The following MAGI1 variants were observed in gnomAD, a reference collection of about 807,000 sequenced individuals.
The protein encoded by MAGI1 is membrane associated guanylate kinase, WW and PDZ domain containing 1, also known as membrane-associated guanylate kinase, WW and PDZ domain-containing protein 1.
MAGI1 carries 58 observed loss-of-function variants against 139.9 expected under a neutral mutation model. The observed-to-expected ratio is 0.41, with a 90% CI of 0.34 to 0.52. MAGI1 has a LOEUF of 0.52. MAGI1 is among the 20% of genes least tolerant of loss of function. MAGI1 has a pLI of 0.12. For missense variants in MAGI1, 1,874 were observed against 1,901.6 expected (o/e 0.99, Z 0.27); for synonymous variants, 812 against 737.9 (o/e 1.10, Z -1.63).
At chr3:65,424,169 T>C (rs145583931) in intron 12 of MAGI1, among the ~76,000 whole-genome samples, 43 of 152,298 alleles carry the variant, frequency 2.8e-4, no homozygotes, top group African/African-American at 8.9e-4. Flanking sequence ...AGCTTGAACA[T>C]AGTAAGTACT....
rs568732533 is a variant in MAGI1 at position 65,924,458 on chromosome 3, A to G, written c.313+113538T>C. On this transcript the variant is annotated intron_variant, in intron 1 of 22. Coordinates refer to ENST00000402939, the MANE Select transcript of MAGI1 (RefSeq NM_001033057.2). ...ATTTCTAGCATCAAACCAAGCAAGA[A>G]TATCATTGGGAGGTGAATTTATATA... Among the ~76,000 whole-genome samples, 6 of 152,342 alleles carry G rather than the reference A, an allele frequency of 3.9e-5. No individual in the cohort carries two copies. In the South Asian group the frequency reaches 8.3e-4, roughly 21 times the overall value.
At chr3:65,672,678 CT>C (rs2086936488) in intron 1 of MAGI1, among the ~76,000 whole-genome samples, 1 of 152,132 alleles carries the variant, frequency 6.6e-6, no homozygotes, top group Admixed American at 6.5e-5. Context: ...TAGAATTCTG[CT>C]CAGAAATTGC....
chr3:65,631,715 T>G (rs781061621), intron 1 of MAGI1, among the ~76,000 whole-genome samples: 1 of 152,188 alleles, frequency 6.6e-6, no homozygotes, highest in African/African-American at 2.4e-5. Flanking sequence ...ATGAGTTTCA[T>G]GTTAATAGAC....
chr3:65,407,624 G>A (rs1034662496), intron 12 of MAGI1, among the ~76,000 whole-genome samples: 11 of 152,026 alleles, frequency 7.2e-5, no homozygotes, highest in African/African-American at 2.4e-4. Flanking sequence ...GGTAAAAACT[G>A]TGCATAGAAT....
chr3:65,502,059 G>A (rs888112170), intron 2 of MAGI1, among the ~76,000 whole-genome samples: 4 of 152,214 alleles, frequency 2.6e-5, no homozygotes, highest in African/African-American at 7.2e-5. Flanking sequence ...AGGGAAAGGA[G>A]GAGGACACTG....
At chr3:65,996,549 G>A (rs972660293) in intron 1 of MAGI1, among the ~76,000 whole-genome samples, 2 of 151,792 alleles carry the variant, frequency 1.3e-5, no homozygotes, top group South Asian at 2.1e-4. Context: ...AAGGGGGGGG[G>A]GGGGGAAGCG....
At chr3:65,485,342 T>C (rs531992236) in intron 3 of MAGI1, among the ~76,000 whole-genome samples, 10 of 152,328 alleles carry the variant, frequency 6.6e-5, no homozygotes, top group African/African-American at 2.4e-4. Flanking sequence ...AATTAGCAGT[T>C]TGTTCTTGCC....
intron 1 of MAGI1, among the ~76,000 whole-genome samples, chr3:65,941,008 C>G (rs1337797255): frequency 6.6e-6 from 1 of 152,012 alleles, no homozygotes; most frequent in African/African-American, 2.4e-5. Flanking sequence ...AAACAGTATT[C>G]AAGAAAAAAA....
intron 12 of MAGI1, among the ~76,000 whole-genome samples, chr3:65,427,453 G>T (rs1409716838): frequency 6.6e-6 from 1 of 152,168 alleles, no homozygotes; most frequent in African/African-American, 2.4e-5. Flanking sequence ...GGTCTCCTTA[G>T]AAGTGAATCT....
At chr3:65,886,940 C>T (rs1017092567) in intron 1 of MAGI1, among the ~76,000 whole-genome samples, 3 of 152,142 alleles carry the variant, frequency 2.0e-5, no homozygotes, top group Non-Finnish European at 2.9e-5. Flanking sequence ...AAAAACATTT[C>T]AGAATGGGTA....
chr3:65,788,122 T>A (rs531731046), intron 1 of MAGI1, among the ~76,000 whole-genome samples: 98 of 152,298 alleles, frequency 6.4e-4, no homozygotes, highest in African/African-American at 2.2e-3. Flanking sequence ...AACTCAACTG[T>A]GCCCAAGTAA....
Position 65,530,836 on chromosome 3 carries a change from T to TACAC in MAGI1, c.431-37206_431-37205insGTGT, listed in dbSNP as rs35006124. Among the ~76,000 whole-genome samples the TACAC allele has an allele frequency of 2.2e-3, 200 of 90,812 alleles. 14 individuals carry two copies. The highest frequency in any genetic ancestry group is 7.1e-3 in the South Asian group (21 of 2,972). 59.6% of individuals were successfully genotyped at this position (90,812 alleles called of 152,430 possible). A position where few individuals can be genotyped will look rare whatever the true frequency, so the allele number is the denominator to read the frequency against. On this transcript the variant is annotated intron_variant, in intron 2 of 22. Coordinates refer to ENST00000402939, the MANE Select transcript of MAGI1 (RefSeq NM_001033057.2). ...ATATATATACACGTATATATATATA[T>TACAC]ATACACACACACACACACATATATA...
At position 65,610,332 on chromosome 3, in the gene MAGI1, G is replaced by A. The variant is rs1039432190; in HGVS notation, c.430+11640C>T. Among the ~76,000 whole-genome samples the A allele has an allele frequency of 3.9e-5, 6 of 152,194 alleles. No homozygotes were observed. The East Asian group carries it at 5.8e-4, about 15-fold the overall frequency. Reference sequence around the variant, plus strand: ...TAGCCACAAACTTCTATCCACTGGGGAAAAAGCCATCTAGATTCCCAGAAT... The same window carrying A: ...TAGCCACAAACTTCTATCCACTGGGAAAAAAGCCATCTAGATTCCCAGAAT... On this transcript the variant is annotated intron_variant, in intron 2 of 22. Coordinates refer to ENST00000402939, the MANE Select transcript of MAGI1 (RefSeq NM_001033057.2).
rs1161462179 is a variant in MAGI1 at position 66,038,193 on chromosome 3, C to T, written c.116G>A (p.Gly39Glu). The part of the protein sequence containing the change: ...GVTVLGGAEH[G>E]EFPYVGAVAA... Reference sequence around the variant, plus strand: ...CACCGCTCCGACGTACGGAAACTCCCCGTGCTCCGCGCCTCCCAGCACCGT... The same window carrying T: ...CACCGCTCCGACGTACGGAAACTCCTCGTGCTCCGCGCCTCCCAGCACCGT... The change falls in exon 1 of 23, where the codon GGG becomes GAG. Residue 39 changes from glycine (G) to glutamate (E), a missense_variant. Coordinates refer to ENST00000402939, the MANE Select transcript of MAGI1 (RefSeq NM_001033057.2). 1.2e-6 allele frequency: 2 copies of T among 1,612,352 alleles called. No homozygotes were observed. Among genetic ancestry groups the T allele is most frequent in the Admixed American group, 1.7e-5 (1 of 59,994 alleles).
chr3:65,508,213 C>T (rs948998543), intron 2 of MAGI1, among the ~76,000 whole-genome samples: 4 of 152,108 alleles, frequency 2.6e-5, no homozygotes, highest in African/African-American at 9.7e-5. Context: ...ACCATCCTGG[C>T]TAACACGGTG....
rs527291417 is a variant in MAGI1, at chr3:65,387,659, C to G, written c.2416+3483G>C. Among the ~76,000 whole-genome samples, 13 of 152,296 alleles carry G rather than the reference C, an allele frequency of 8.5e-5. No individual in the cohort carries two copies. In the South Asian group the frequency reaches 2.7e-3, roughly 32 times the overall value. On this transcript the variant is annotated intron_variant, in intron 14 of 22. Transcript: ENST00000402939. ...ATGAAATTCATTCTTGTACTAATAT[C>G]TGTTCAGGTGAATTCTAAGCATTTC...
At chr3:65,903,546 C>T in intron 1 of MAGI1, among the ~76,000 whole-genome samples, 1 of 152,198 alleles carries the variant, frequency 6.6e-6, no homozygotes, top group South Asian at 2.1e-4. Context: ...CACATACGCA[C>T]ATACACGCAT....
Position 65,752,115 on chromosome 3 carries a change from T to C in MAGI1, c.314-130027A>G, listed in dbSNP as rs1281174400. 3.3e-5 allele frequency among the ~76,000 whole-genome samples: 5 copies of C among 152,248 alleles called. No individual in the cohort carries two copies. The East Asian group carries it at 5.8e-4, about 18-fold the overall frequency. ...CAACTCACAAGGCCTGGCTAAATTT[T>C]TTTTTGTATTTTTTGTACAAACAGG... On this transcript the variant is annotated intron_variant, in intron 1 of 22. Transcript: ENST00000402939.
At chr3:65,561,968 G>A (rs1448761525) in intron 2 of MAGI1, among the ~76,000 whole-genome samples, 3 of 152,172 alleles carry the variant, frequency 2.0e-5, no homozygotes, top group African/African-American at 7.2e-5. Context: ...TTTTTCAAGA[G>A]AGACCATATT....
Sources: allele counts gnomAD v4.1 joint callset (sites outside exome capture counted in the v4.1 genomes callset), GRCh38; gene constraint gnomAD v4.1.1; transcripts MANE v1.5; gene names NCBI Gene and HGNC (gene_info 2026-07-23, HGNC 2026-07-21).